The following NBEA variants were observed in gnomAD, a reference collection of about 807,000 sequenced individuals.
NBEA encodes lysosomal-trafficking regulator 2.
A neutral mutation model predicts 343.4 loss-of-function variants in NBEA; 44 were observed. That is an observed-to-expected ratio of 0.13 (90% CI 0.10 to 0.16). The LOEUF (loss-of-function observed/expected upper bound fraction) is 0.16. Ranked by LOEUF, NBEA falls within the 10% of genes least tolerant of loss-of-function variation. The probability of loss-of-function intolerance (pLI) is 1.00; values close to 1 mark genes in which losing one functional copy is unlikely to be tolerated. For missense variants in NBEA, 2,555 were observed against 3,631.3 expected (o/e 0.70, Z 7.62); for synonymous variants, 1,175 against 1,238.7 (o/e 0.95, Z 1.08).
intron 41 of NBEA, among the ~76,000 whole-genome samples, chr13:35,500,517 T>C (rs2076843444): frequency 6.6e-6 from 1 of 152,092 alleles, no homozygotes; most frequent in Non-Finnish European, 1.5e-5. Context: ...TATAGTTGTT[T>C]GGAGGTTACA....
intron 11 of NBEA, among the ~76,000 whole-genome samples, chr13:35,107,636 A>G (rs1740629322): frequency 6.6e-6 from 1 of 151,948 alleles, no homozygotes; most frequent in South Asian, 2.1e-4. Context: ...ATCATCTCTT[A>G]GAATATGTTC....
At chr13:35,013,233 A>G (rs1215041449) in intron 1 of NBEA, among the ~76,000 whole-genome samples, 1 of 152,190 alleles carries the variant, frequency 6.6e-6, no homozygotes, top group African/African-American at 2.4e-5. Flanking sequence ...TTAGAAGTTT[A>G]TAGTCCAGTG....
intron 41 of NBEA, among the ~76,000 whole-genome samples, chr13:35,525,807 C>T (rs569495520): frequency 6.6e-6 from 1 of 152,232 alleles, no homozygotes; most frequent in Admixed American, 6.5e-5. Flanking sequence ...GGTGGAGGCT[C>T]TCTGCCTTAT....
intron 33 of NBEA, among the ~76,000 whole-genome samples, chr13:35,213,393 G>T (rs2073893723): frequency 6.6e-6 from 1 of 151,930 alleles, no homozygotes; most frequent in Admixed American, 6.6e-5. Context: ...TTCTCACCCT[G>T]TTATTTTTCC....
intron 39 of NBEA, among the ~76,000 whole-genome samples, chr13:35,440,245 C>T (rs1054602442): frequency 6.6e-6 from 1 of 152,088 alleles, no homozygotes; most frequent in African/African-American, 2.4e-5. Context: ...CTTTGGGTAA[C>T]AACATTGAAG....
At chr13:35,583,177 A>C (rs1326905056) in intron 45 of NBEA, among the ~76,000 whole-genome samples, 1 of 152,188 alleles carries the variant, frequency 6.6e-6, no homozygotes, top group Non-Finnish European at 1.5e-5. Flanking sequence ...TAATGATTAG[A>C]TGTGCTAAAA....
At chr13:35,357,658 C>T (rs2040567455) in intron 38 of NBEA, among the ~76,000 whole-genome samples, 1 of 152,102 alleles carries the variant, frequency 6.6e-6, no homozygotes, top group African/African-American at 2.4e-5. Flanking sequence ...CATAGTATTC[C>T]ATCATGTATA....
At chr13:34,965,418 A>T (rs966061841) in intron 1 of NBEA, among the ~76,000 whole-genome samples, 2 of 152,146 alleles carry the variant, frequency 1.3e-5, no homozygotes, top group East Asian at 3.9e-4. Flanking sequence ...GAAAGCAATG[A>T]ACTATTTGAA....
intron 1 of NBEA, among the ~76,000 whole-genome samples, chr13:34,958,412 G>A (rs9943949): frequency 0.03 from 4,623 of 152,218 alleles, 91 homozygotes; most frequent in African/African-American, 0.049. Flanking sequence ...GACAGATTCA[G>A]ATTAAGTTTT....
At chr13:35,148,625 A>G (rs117838323) in intron 18 of NBEA, among the ~76,000 whole-genome samples, 3,186 of 152,314 alleles carry the variant, frequency 0.021, 50 homozygotes, top group Middle Eastern at 0.048. Flanking sequence ...TTCTCAACTC[A>G]TACACATATG....
intron 37 of NBEA, among the ~76,000 whole-genome samples, chr13:35,351,772 T>A (rs2040214367): frequency 6.6e-6 from 1 of 152,000 alleles, no homozygotes; most frequent in African/African-American, 2.4e-5. Context: ...AATGACAGAT[T>A]TTTGATTCAT....
chr13:35,074,493 C>G (rs1217796678), intron 10 of NBEA, among the ~76,000 whole-genome samples: 1 of 151,904 alleles, frequency 6.6e-6, no homozygotes, highest in East Asian at 1.9e-4. Flanking sequence ...TAAAAATACA[C>G]CAGGAGAATA....
At chr13:35,003,941 C>T (rs1186884770) in intron 1 of NBEA, among the ~76,000 whole-genome samples, 3 of 152,078 alleles carry the variant, frequency 2.0e-5, no homozygotes, top group Admixed American at 6.5e-5. Flanking sequence ...CCTCCTCCCA[C>T]CCTACCCTGA....
intron 17 of NBEA, among the ~76,000 whole-genome samples, chr13:35,129,224 C>T (rs1043483914): frequency 2.0e-5 from 3 of 151,920 alleles, no homozygotes; most frequent in Admixed American, 6.6e-5. Flanking sequence ...AGAAAGAGTT[C>T]TTAGAAAAGT....
intron 38 of NBEA, among the ~76,000 whole-genome samples, chr13:35,381,207 G>A (rs1824603): frequency 0.7 from 105,858 of 151,876 alleles, 39,193 homozygotes; most frequent in Non-Finnish European, 0.81. Flanking sequence ...AGTAGTTTTT[G>A]TTAGCTAACT....
At chr13:35,331,883 T>C (rs2038947421) in intron 36 of NBEA, among the ~76,000 whole-genome samples, 1 of 152,118 alleles carries the variant, frequency 6.6e-6, no homozygotes, top group Admixed American at 6.6e-5. Context: ...GTTGTATAGA[T>C]ACTCCAAGTA....
intron 36 of NBEA, among the ~76,000 whole-genome samples, chr13:35,318,348 A>C (rs1000309105): frequency 4.6e-5 from 7 of 152,140 alleles, no homozygotes; most frequent in African/African-American, 1.2e-4. Context: ...TTTGACATCT[A>C]TTGAGATAAT....
chr13:35,487,746 C>A (rs1485025026), intron 41 of NBEA, among the ~76,000 whole-genome samples: 2 of 151,918 alleles, frequency 1.3e-5, no homozygotes, highest in Non-Finnish European at 2.9e-5. Context: ...ATAGTATTAT[C>A]CCTTTAACAA....
At chr13:34,955,744 T>C (rs1010994510) in intron 1 of NBEA, among the ~76,000 whole-genome samples, 3 of 152,304 alleles carry the variant, frequency 2.0e-5, no homozygotes, top group Admixed American at 1.3e-4. Flanking sequence ...TTCATATCTT[T>C]CAGTTAGGAG....
Sources: gnomAD v4.1 joint callset for allele counts (sites outside exome capture counted in the v4.1 genomes callset) on GRCh38, gnomAD v4.1.1 for gene constraint, MANE v1.5 for transcripts, NCBI Gene and HGNC (gene_info 2026-07-23, HGNC 2026-07-21) for gene names.